DCAF7: variants seen among roughly 807,000 people sequenced by gnomAD.
The protein encoded by DCAF7 is DDB1 and CUL4 associated factor 7, also known as DDB1- and CUL4-associated factor 7.
A neutral mutation model predicts 41.2 loss-of-function variants in DCAF7; 4 were observed. That is an observed-to-expected ratio of 0.10 (90% CI 0.05 to 0.22). The LOEUF (loss-of-function observed/expected upper bound fraction) is 0.22. Among genes scored for constraint, DCAF7 ranks in the 10% least tolerant of loss-of-function variants. The probability of loss-of-function intolerance (pLI) is 1.00; values close to 1 mark genes in which losing one functional copy is unlikely to be tolerated. For missense variants in DCAF7, 131 were observed against 443.2 expected, an observed-to-expected ratio of 0.30 and a Z score of 6.32; for synonymous variants, 143 against 164.2, an observed-to-expected ratio of 0.87 and a Z score of 0.99.
At chr17:63,568,848 A>G (rs762513345) in intron 1 of DCAF7, among the ~76,000 whole-genome samples, 1 of 152,162 alleles carries the variant, frequency 6.6e-6, no homozygotes, top group Non-Finnish European at 1.5e-5. Context: ...CTCACTCGCT[A>G]TGTATGCCAG....
At chr17:63,571,387 A>C (rs959721261) in intron 1 of DCAF7, among the ~76,000 whole-genome samples, 1 of 152,138 alleles carries the variant, frequency 6.6e-6, no homozygotes, top group Non-Finnish European at 1.5e-5. Flanking sequence ...TTAATTCTCT[A>C]TACTTAGTAC....
Position 63,550,540 on chromosome 17 carries a change from C to T in DCAF7, c.-138C>T. On this transcript the variant is annotated 5_prime_UTR_variant, in exon 1 of 7. Coordinates refer to ENST00000614556, the MANE Select transcript of DCAF7 (RefSeq NM_005828.5). The surrounding 1 kb of genome is among the most constrained non-coding windows in gnomAD (Gnocchi z 4.8). ...GCTCGGCCGTCGTCGTTGTTTGTCG[C>T]CGCATCCCCGCTTCCGGGTTAGGCC... 3.0e-6 allele frequency: 4 copies of T among 1,355,792 alleles called. 1 individual carries two copies. The South Asian group carries it at 4.5e-5, about 15-fold the overall frequency. The allele number at this position is 1,355,792 out of a possible 1,614,324, so 84.0% of individuals were successfully genotyped here. A position where few individuals can be genotyped will look rare whatever the true frequency, so the allele number is the denominator to read the frequency against.
At chr17:63,575,487 G>A (rs750831652) in intron 1 of DCAF7, among the ~76,000 whole-genome samples, 5 of 152,140 alleles carry the variant, frequency 3.3e-5, no homozygotes, top group Non-Finnish European at 7.4e-5. Flanking sequence ...ATCACTTGAG[G>A]CCAGGAGTTA....
intron 1 of DCAF7, among the ~76,000 whole-genome samples, chr17:63,576,439 C>A (rs1184211254): frequency 2.0e-5 from 3 of 152,050 alleles, no homozygotes; most frequent in Non-Finnish European, 4.4e-5. Context: ...AAGAGCAAAA[C>A]TCCGTCTCAA....
chr17:63,569,002 C>A (rs1325393146), intron 1 of DCAF7, among the ~76,000 whole-genome samples: 1 of 152,190 alleles, frequency 6.6e-6, no homozygotes, highest in Admixed American at 6.5e-5. Flanking sequence ...AGTTCAAACA[C>A]CTGTGTCAAT....
At position 63,550,889 on chromosome 17, in the gene DCAF7, C is replaced by A; in HGVS notation, c.138+74C>A. On this transcript the variant is annotated intron_variant, in intron 1 of 6. Coordinates refer to ENST00000614556, the MANE Select transcript of DCAF7 (RefSeq NM_005828.5). This position sits in a 1 kb window ranked among gnomAD's most constrained non-coding sequence, Gnocchi z 4.8. ...GGAGCGCCCTTTCCGGGCCGGAGCC[C>A]AGGCCTCAGAACCCTCTTGCGGACT... is the stretch of plus-strand genomic sequence containing the variant. 6.4e-7 allele frequency: 1 copy of A among 1,556,138 alleles called. No homozygotes were observed. The highest frequency in any genetic ancestry group is 2.4e-5 in the East Asian group (1 of 42,096).
intron 4 of DCAF7, among the ~76,000 whole-genome samples, chr17:63,582,222 A>G (rs748786317): frequency 6.6e-6 from 1 of 152,166 alleles, no homozygotes; most frequent in Non-Finnish European, 1.5e-5. Flanking sequence ...AAAGACAAGC[A>G]TAATTTCTTC....
intron 1 of DCAF7, among the ~76,000 whole-genome samples, chr17:63,555,818 T>C (rs2033304981): frequency 6.6e-6 from 1 of 152,258 alleles, no homozygotes; most frequent in South Asian, 2.1e-4. Context: ...TATTGCTTTT[T>C]GTCCTAATCT....
At chr17:63,569,762 G>T (rs896829937) in intron 1 of DCAF7, among the ~76,000 whole-genome samples, 1 of 152,092 alleles carries the variant, frequency 6.6e-6, no homozygotes, top group Non-Finnish European at 1.5e-5. Flanking sequence ...GCTCAGGGTG[G>T]GGTGCAGTAG....
chr17:63,550,714 T>G lies in DCAF7; in HGVS notation c.37T>G (p.Tyr13Asp). 1 of 1,613,818 alleles carries G rather than the reference T, an allele frequency of 6.2e-7. No individual in the cohort carries two copies. The highest frequency in any genetic ancestry group is 8.5e-7 in the Non-Finnish European group (1 of 1,179,834). ...CGGCAAACGGAAGGAGATCTACAAGTATGAAGCGCCCTGGACAGTCTACGC... is the reference window on the plus strand; with the variant it reads ...CGGCAAACGGAAGGAGATCTACAAGGATGAAGCGCCCTGGACAGTCTACGC... The part of the protein sequence containing the change: ...LHGKRKEIYK[Y>D]EAPWTVYAMN... The change falls in exon 1 of 7, where the codon TAT (tyrosine) becomes GAT (aspartate). Residue 13 changes from tyrosine to aspartate, a missense_variant. Tyr to Asp is a radical substitution (Grantham distance 160, BLOSUM62 -3). Coordinates refer to ENST00000614556, the MANE Select transcript of DCAF7 (RefSeq NM_005828.5). The surrounding 1 kb of genome is among the most constrained non-coding windows in gnomAD (Gnocchi z 4.8).
At position 63,591,684 on chromosome 17, in the gene DCAF7, T is replaced by A. The variant is rs1372709409; in HGVS notation, c.*2512T>A. The A allele has an allele frequency of 6.6e-6, 1 of 152,242 alleles. No homozygotes were observed. The highest frequency in any genetic ancestry group is 1.5e-5 in the Non-Finnish European group (1 of 68,046). 9.4% of individuals were successfully genotyped at this position (152,242 alleles called of 1,614,324 possible). ...TAGAAAGTCTGTAAGCCATCCATGC[T>A]CCAGAAAGCACCGATCTGTTGTAGT... On this transcript the variant is annotated 3_prime_UTR_variant, in exon 7 of 7. Coordinates refer to ENST00000614556, the MANE Select transcript of DCAF7 (RefSeq NM_005828.5).
chr17:63,557,968 T>C (rs1036402922), intron 1 of DCAF7, among the ~76,000 whole-genome samples: 4 of 152,102 alleles, frequency 2.6e-5, no homozygotes, highest in African/African-American at 7.2e-5. Context: ...TGATCCCAGC[T>C]CACTGCACTC....
At chr17:63,583,335 A>G (rs1481537780) in intron 4 of DCAF7, among the ~76,000 whole-genome samples, 167 bp from the exon 5 acceptor site, 1 of 152,110 alleles carries the variant, frequency 6.6e-6, no homozygotes, top group Non-Finnish European at 1.5e-5. Context: ...GAAGCCACTG[A>G]TATTAGAGCT....
At position 63,585,250 on chromosome 17, in the gene DCAF7, G is replaced by A; in HGVS notation, c.778G>A (p.Ala260Thr). 6.2e-7 allele frequency: 1 copy of A among 1,613,936 alleles called. No homozygotes were observed. Among genetic ancestry groups the A allele is most frequent in the Non-Finnish European group, 8.5e-7 (1 of 1,179,884 alleles). Reference sequence around the variant, plus strand: ...TGTCCGGGTTCCCTGCACACCTGTCGCCAGGTTAAACAACCATCGAGCATG... The same window carrying A: ...TGTCCGGGTTCCCTGCACACCTGTCACCAGGTTAAACAACCATCGAGCATG... ...LDVRVPCTPV[A>T]RLNNHRACVN... The change falls in exon 6 of 7, where the codon GCC (alanine) becomes ACC (threonine). Residue 260 changes from alanine to threonine, a missense_variant. Coordinates refer to ENST00000614556, the MANE Select transcript of DCAF7 (RefSeq NM_005828.5).
intron 1 of DCAF7, among the ~76,000 whole-genome samples, chr17:63,563,903 C>T (rs889278396): frequency 2.1e-4 from 32 of 152,076 alleles, no homozygotes; most frequent in Admixed American, 5.9e-4. Context: ...GGGGGAATCC[C>T]GGTACATAGA....
At chr17:63,558,363 A>G (rs914811104) in intron 1 of DCAF7, among the ~76,000 whole-genome samples, 3 of 152,218 alleles carry the variant, frequency 2.0e-5, no homozygotes, top group South Asian at 2.1e-4. Flanking sequence ...TTGTGCTGCT[A>G]TAAATACTTG....
chr17:63,550,795 G>A lies in DCAF7; in HGVS notation c.118G>A (p.Val40Met), dbSNP rs767941373. The part of the protein sequence containing the change: ...KRFRLALGSF[V>M]EEYNNKVQLV... ...CTTTCGCTTGGCGCTGGGCAGCTTC[G>A]TGGAGGAGTACAACAACAAGGTGGG... The change falls in exon 1 of 7, where the codon GTG becomes ATG. Residue 40 changes from valine to methionine, a missense_variant. Coordinates refer to ENST00000614556, the MANE Select transcript of DCAF7 (RefSeq NM_005828.5). The surrounding 1 kb of genome is among the most constrained non-coding windows in gnomAD (Gnocchi z 4.8). The A allele has an allele frequency of 1.9e-6, 3 of 1,613,794 alleles. No homozygotes were observed.
intron 1 of DCAF7, among the ~76,000 whole-genome samples, chr17:63,559,612 GTC>G (rs2033358894): frequency 6.6e-6 from 1 of 151,270 alleles, no homozygotes; most frequent in South Asian, 2.1e-4. Flanking sequence ...GACCAGTCTG[GTC>G]AGCATGGTGA....
intron 4 of DCAF7, among the ~76,000 whole-genome samples, chr17:63,581,107 G>A (rs939992022): frequency 1.3e-5 from 2 of 152,170 alleles, no homozygotes. Flanking sequence ...ACTCCTGAAG[G>A]TAAGCCCTGT....
Sources: gnomAD v4.1 joint callset for allele counts (sites outside exome capture counted in the v4.1 genomes callset) on GRCh38, gnomAD v4.1.1 for gene constraint, Gnocchi (gnomAD v3.1) non-coding constraint, MANE v1.5 for transcripts, NCBI Gene and HGNC (gene_info 2026-07-23, HGNC 2026-07-21) for gene names.